SYNE1: variants seen among roughly 807,000 people sequenced by gnomAD.
SYNE1 encodes the protein nesprin-1.
In SYNE1, 616 loss-of-function variants were observed where a neutral mutation model predicts 1,111.0. That is an observed-to-expected ratio of 0.55 (90% confidence interval 0.52 to 0.59). The LOEUF is 0.59. Among genes scored for constraint, SYNE1 ranks in the 20% least tolerant of loss-of-function variants. The pLI is 0.00. For synonymous variants in SYNE1, 3,855 were observed against 3,825.8 expected (o/e 1.01, Z -0.28); for missense variants, 10,006 against 10,417.0 (o/e 0.96, Z 1.72).
chr6:152,567,355 G>T (rs917381216), intron 3 of SYNE1, among the ~76,000 whole-genome samples: 1 of 151,064 alleles, frequency 6.6e-6, no homozygotes, highest in Non-Finnish European at 1.5e-5. Context: ...CAATGAAAAA[G>T]ATTTTTTTCC....
chr6:152,537,731 C>T (rs190062609), intron 4 of SYNE1, among the ~76,000 whole-genome samples: 148 of 152,272 alleles, frequency 9.7e-4, no homozygotes, highest in African/African-American at 3.3e-3. Context: ...AACAATTTGA[C>T]TTCCTCTTTT....
intron 3 of SYNE1, among the ~76,000 whole-genome samples, chr6:152,608,161 AAT>A (rs2099621394): frequency 7.5e-5 from 1 of 13,412 alleles, no homozygotes; most frequent in Non-Finnish European, 1.9e-4. Context: ...AAAATAAATA[AAT>A]AAAAATAAAT....
chr6:152,132,031 C>A (rs1477502395), intron 144 of SYNE1, 91 bp downstream of exon 144: 7 of 1,219,812 alleles, frequency 5.7e-6, no homozygotes, highest in African/African-American at 1.5e-5. Context: ...GGAGGGGACG[C>A]CTGCCTGTGA....
At chr6:152,623,487 C>T (rs1051578908) in intron 3 of SYNE1, among the ~76,000 whole-genome samples, 1 of 151,954 alleles carries the variant, frequency 6.6e-6, no homozygotes, top group Admixed American at 6.6e-5. Context: ...ATGAAGATGC[C>T]AAAAGCAACT....
At chr6:152,609,663 TCTC>T (rs201626180) in intron 3 of SYNE1, among the ~76,000 whole-genome samples, 1,564 of 152,206 alleles carry the variant, frequency 0.01, 24 homozygotes, top group African/African-American at 0.036. Context: ...GGACAGACTG[TCTC>T]CTCAAGTGGG....
intron 10 of SYNE1, among the ~76,000 whole-genome samples, chr6:152,501,349 A>C (rs1175857754): frequency 6.6e-6 from 1 of 152,166 alleles, no homozygotes; most frequent in Non-Finnish European, 1.5e-5. Flanking sequence ...TTGGAGTGTG[A>C]AATAGGACAA....
intron 2 of SYNE1, among the ~76,000 whole-genome samples, chr6:152,629,854 A>G (rs952211851): frequency 6.6e-6 from 1 of 152,104 alleles, no homozygotes; most frequent in African/African-American, 2.4e-5. Context: ...GAATGGCAAA[A>G]GCAAAACTCC....
chr6:152,542,570 C>T (rs2099276599), intron 3 of SYNE1, among the ~76,000 whole-genome samples: 1 of 151,886 alleles, frequency 6.6e-6, no homozygotes, highest in South Asian at 2.1e-4. Context: ...TATTATAATG[C>T]CCATTTTACA....
intron 125 of SYNE1, 30 bp downstream of exon 125, chr6:152,207,942 G>A: frequency 1.2e-6 from 2 of 1,609,684 alleles, no homozygotes; most frequent in African/African-American, 1.3e-5. Context: ...ATGCCTAAGA[G>A]GTGTGAGAAC....
At position 152,176,530 on chromosome 6, in the gene SYNE1, C is replaced by T. The variant is rs1340464669; in HGVS notation, c.23491G>A (p.Glu7831Lys). 1.2e-6 allele frequency: 2 copies of T among 1,613,912 alleles called. No homozygotes were observed. The highest frequency in any genetic ancestry group is 8.5e-7 in the Non-Finnish European group (1 of 1,179,982). ...ATTTGTTGGAGCTGTATTTTGTTCTCTTGAGCAATAGCAATTTCCTCTTGA... is the reference window on the plus strand; with the variant it reads ...ATTTGTTGGAGCTGTATTTTGTTCTTTTGAGCAATAGCAATTTCCTCTTGA... The part of the protein sequence containing the change: ...DYQEEIAIAQ[E>K]NKIQLQQMGE... The change falls in exon 130 of 146, where the codon GAG (glutamate) becomes AAG (lysine). Residue 7831 changes from glutamate (E) to lysine (K), a missense_variant. By Grantham distance (56) the Glu-to-Lys change is moderately conservative (BLOSUM62 1). Coordinates refer to ENST00000367255, the MANE Select transcript of SYNE1 (RefSeq NM_182961.4).
intron 12 of SYNE1, among the ~76,000 whole-genome samples, chr6:152,485,921 G>T (rs1264055052): frequency 6.6e-6 from 1 of 152,082 alleles, no homozygotes; most frequent in Non-Finnish European, 1.5e-5. Flanking sequence ...CATAGGCTGG[G>T]CACGGTGGCT....
chr6:152,484,858 A>C lies in SYNE1; in HGVS notation c.1162T>G (p.Ser388Ala). Reference sequence around the variant, plus strand: ...ACCCTGGAGGTCACTCTATCCCAAGATTGTTTTACCAATGCTTGGTCAAGT... The same window carrying C: ...ACCCTGGAGGTCACTCTATCCCAAGCTTGTTTTACCAATGCTTGGTCAAGT... ...LSLDQALVKQ[S>A]WDRVTSRLFD... The change falls in exon 13 of 146, where the codon TCT becomes GCT. Residue 388 changes from serine to alanine, a missense_variant. Ser to Ala is a moderately conservative substitution (Grantham distance 99). This residue lies in a region of SYNE1 where 1,971 missense variants were observed against 2,084.1 expected (regional missense o/e 0.95). Coordinates refer to ENST00000367255, the MANE Select transcript of SYNE1 (RefSeq NM_182961.4). The C allele has an allele frequency of 6.2e-7, 1 of 1,613,952 alleles. No homozygotes were observed. Among genetic ancestry groups the C allele is most frequent in the Non-Finnish European group, 8.5e-7 (1 of 1,179,958 alleles).
At chr6:152,465,710 C>A (rs1441878720) in intron 17 of SYNE1, among the ~76,000 whole-genome samples, 1 of 151,346 alleles carries the variant, frequency 6.6e-6, no homozygotes, top group East Asian at 1.9e-4. Context: ...TGCCTTTAAT[C>A]CTTAGATGCA....
chr6:152,554,344 C>G (rs960418964), intron 3 of SYNE1, among the ~76,000 whole-genome samples: 7 of 151,796 alleles, frequency 4.6e-5, no homozygotes, highest in Admixed American at 3.3e-4. Context: ...GGGACTACAG[C>G]CAAACACTTG....
chr6:152,497,242 G>A (rs183374019), intron 11 of SYNE1, among the ~76,000 whole-genome samples: 129 of 152,314 alleles, frequency 8.5e-4, no homozygotes, highest in Admixed American at 5.8e-3. Flanking sequence ...ATATATGATT[G>A]CAGAATAAGC....
chr6:152,322,276 G>C (rs2095888036), intron 82 of SYNE1, among the ~76,000 whole-genome samples: 4 of 151,962 alleles, frequency 2.6e-5, no homozygotes, highest in Admixed American at 2.6e-4. Context: ...ATCAAGCTTT[G>C]GAAATGTCAT....
chr6:152,191,541 G>C (rs1212331141), intron 127 of SYNE1, among the ~76,000 whole-genome samples: 1 of 151,934 alleles, frequency 6.6e-6, no homozygotes, highest in East Asian at 1.9e-4. Flanking sequence ...ATTTCTTCTA[G>C]GTTTCCCAAT....
At position 152,627,200 on chromosome 6, in the gene SYNE1, T is replaced by C. The variant is rs147639943; in HGVS notation, c.67+1065A>G. Among the ~76,000 whole-genome samples, 517 of 152,304 alleles carry C rather than the reference T, an allele frequency of 3.4e-3. 5 individuals carry two copies. The highest frequency in any genetic ancestry group is 0.012 in the African/African-American group (492 of 41,570). ...TAACAATGAAGCAGTGAATATATCA[T>C]TGGGATTATGACAAAGAAGCAATAT... is the stretch of plus-strand genomic sequence containing the variant. On this transcript the variant is annotated intron_variant, in intron 3 of 145. Transcript: ENST00000367255.
chr6:152,381,519 T>C, intron 55 of SYNE1, 157 bp from the exon 56 acceptor site: 1 of 775,282 alleles, frequency 1.3e-6, no homozygotes, highest in South Asian at 1.5e-5. Flanking sequence ...TCTTAAATTA[T>C]AATAGCGGGA....
Sources: gnomAD v4.1 joint callset for allele counts (sites outside exome capture counted in the v4.1 genomes callset) on GRCh38, gnomAD v4.1.1 for gene constraint, gnomAD v4.1.1 regional missense constraint, MANE v1.5 for transcripts, NCBI Gene and HGNC (gene_info 2026-07-23, HGNC 2026-07-21) for gene names.